The following DRD3 variants were observed in gnomAD, a reference collection of about 807,000 sequenced individuals.
The protein encoded by DRD3 is D(3) dopamine receptor.
In DRD3, 19 loss-of-function variants were observed where a neutral mutation model predicts 36.3. The observed-to-expected ratio is 0.52, with a 90% CI of 0.36 to 0.77. The LOEUF is 0.77. Among genes scored for constraint, DRD3 ranks in the 30% least tolerant of loss-of-function variants. DRD3 has a pLI of 0.00. For synonymous variants in DRD3, 195 were observed against 203.7 expected (o/e 0.96, Z 0.36); for missense variants, 465 against 505.3 (o/e 0.92, Z 0.77).
chr3:114,132,214 T>C (rs548273124), intron 5 of DRD3, among the ~76,000 whole-genome samples: 1 of 152,284 alleles, frequency 6.6e-6, no homozygotes, highest in South Asian at 2.1e-4. Context: ...CACTATAGAA[T>C]ACTATGCAGC....
chr3:114,178,195 T>C (rs2077919443), intron 1 of DRD3, among the ~76,000 whole-genome samples: 2 of 152,190 alleles, frequency 1.3e-5, no homozygotes. Flanking sequence ...AATTGGATTC[T>C]GACTTAGAAA....
At chr3:114,193,331 A>G (rs79450220) in intron 1 of DRD3, among the ~76,000 whole-genome samples, 14,016 of 152,190 alleles carry the variant, frequency 0.092, 690 homozygotes, top group Middle Eastern at 0.2. Context: ...CTTTCATAAC[A>G]TATAGTTTGA....
chr3:114,148,550 T>C (rs943666426), intron 3 of DRD3, among the ~76,000 whole-genome samples: 1 of 152,084 alleles, frequency 6.6e-6, no homozygotes, highest in African/African-American at 2.4e-5. Flanking sequence ...GCTGGACAAA[T>C]GTTCCACAGT....
intron 1 of DRD3, chr3:114,199,260 T>G (rs7620958): frequency 0.056 from 8,506 of 152,312 alleles, 274 homozygotes; most frequent in Middle Eastern, 0.078. Context: ...GAACAGAAAT[T>G]TATTTGGCTC....
At chr3:114,196,732 T>C (rs1576097994) in intron 1 of DRD3, among the ~76,000 whole-genome samples, 1 of 152,372 alleles carries the variant, frequency 6.6e-6, no homozygotes, top group East Asian at 1.9e-4. Flanking sequence ...TGAATAACGA[T>C]GCTGGGCATC....
At chr3:114,185,001 C>T (rs1405294955) in intron 1 of DRD3, among the ~76,000 whole-genome samples, 1 of 152,078 alleles carries the variant, frequency 6.6e-6, no homozygotes, top group Non-Finnish European at 1.5e-5. Context: ...AATATTCTTA[C>T]CAAAGAGCCC....
chr3:114,160,271 A>T (rs1394363386), intron 2 of DRD3, among the ~76,000 whole-genome samples: 1 of 151,492 alleles, frequency 6.6e-6, no homozygotes, highest in Admixed American at 6.6e-5. Context: ...TTTGAGATGG[A>T]GTTTTGCTCT....
chr3:114,137,181 C>T (rs1350407373), intron 5 of DRD3, among the ~76,000 whole-genome samples: 1 of 152,124 alleles, frequency 6.6e-6, no homozygotes, highest in African/African-American at 2.4e-5. Flanking sequence ...CAAGATAAGC[C>T]AGTATTGTGG....
intron 1 of DRD3, among the ~76,000 whole-genome samples, chr3:114,189,091 T>C (rs1387342611): frequency 6.6e-6 from 1 of 152,246 alleles, no homozygotes; most frequent in African/African-American, 2.4e-5. Flanking sequence ...CTTTACCATG[T>C]AAAGTAATTA....
chr3:114,128,924 A>G lies in DRD3; in HGVS notation c.1007-12T>C. 6.4e-7 allele frequency: 1 copy of G among 1,559,512 alleles called. No individual in the cohort carries two copies. Among genetic ancestry groups the G allele is most frequent in the Non-Finnish European group, 8.7e-7 (1 of 1,153,314 alleles). ...GACAATGAAGGCCCCTAAGTTGCCA[A>G]ATAAGAGAGAAACTGGGTAAGGGAT... On this transcript the variant is annotated splice_polypyrimidine_tract_variant and intron_variant, in intron 6 of 6. Transcript: ENST00000383673.
intron 1 of DRD3, among the ~76,000 whole-genome samples, chr3:114,175,415 T>C (rs1370813129): frequency 6.6e-6 from 1 of 152,076 alleles, no homozygotes; most frequent in Non-Finnish European, 1.5e-5. Context: ...TGTCATCATG[T>C]CAACATTCAT....
chr3:114,170,472 C>A (rs1306509619), intron 2 of DRD3, among the ~76,000 whole-genome samples: 1 of 152,102 alleles, frequency 6.6e-6, no homozygotes, highest in African/African-American at 2.4e-5. Flanking sequence ...AGACCCTTCA[C>A]CCTCCCAACT....
At chr3:114,174,859 A>G (rs1442869174) in intron 1 of DRD3, among the ~76,000 whole-genome samples, 3 of 151,806 alleles carry the variant, frequency 2.0e-5, no homozygotes, top group African/African-American at 7.3e-5. Context: ...AACGGGTCTC[A>G]GGTAAGAAGA....
chr3:114,172,820 T>G (rs2077859758), intron 1 of DRD3, among the ~76,000 whole-genome samples: 1 of 152,136 alleles, frequency 6.6e-6, no homozygotes, highest in African/African-American at 2.4e-5. Flanking sequence ...GAGCAGAAAT[T>G]TGTTGTCTCA....
chr3:114,171,035 C>G (rs528787250), intron 2 of DRD3, among the ~76,000 whole-genome samples: 1 of 152,278 alleles, frequency 6.6e-6, no homozygotes, highest in East Asian at 1.9e-4. Flanking sequence ...ATTGAAAATA[C>G]TTTCAAATTT....
intron 1 of DRD3, among the ~76,000 whole-genome samples, chr3:114,186,952 G>A (rs1020020852): frequency 6.6e-6 from 1 of 152,194 alleles, no homozygotes; most frequent in Non-Finnish European, 1.5e-5. Flanking sequence ...GAGAGATATG[G>A]AAGTGTTATT....
intron 5 of DRD3, among the ~76,000 whole-genome samples, chr3:114,133,091 A>C (rs1310193429): frequency 6.6e-6 from 1 of 152,042 alleles, no homozygotes; most frequent in Admixed American, 6.6e-5. Flanking sequence ...CCCGGGTTCA[A>C]GAGATTCTCC....
At chr3:114,130,741 A>G (rs956848649) in intron 6 of DRD3, among the ~76,000 whole-genome samples, 1 of 152,208 alleles carries the variant, frequency 6.6e-6, no homozygotes, top group Non-Finnish European at 1.5e-5. Context: ...TCTAGATTTT[A>G]TCATACCATA....
intron 6 of DRD3, among the ~76,000 whole-genome samples, chr3:114,130,811 T>TTAAATAACTAA: frequency 2.6e-5 from 4 of 152,230 alleles, no homozygotes; most frequent in African/African-American, 9.6e-5. Flanking sequence ...ACTAAGCATT[T>TTAAATAACTAA]GTTAAATATC....
Sources: allele counts gnomAD v4.1 joint callset (sites outside exome capture counted in the v4.1 genomes callset), GRCh38; gene constraint gnomAD v4.1.1; transcripts MANE v1.5; gene names NCBI Gene and HGNC (gene_info 2026-07-23, HGNC 2026-07-21).